Variants in MINDY2 observed in about 807,000 individuals in gnomAD.
MINDY2 encodes MINDY lysine 48 deubiquitinase 2, also known as ubiquitin carboxyl-terminal hydrolase MINDY-2.
Under a neutral mutation model 68.2 loss-of-function variants are expected in MINDY2, and 52 were observed. That is an observed-to-expected ratio of 0.76 (90% confidence interval 0.61 to 0.96). MINDY2 has a LOEUF of 0.96. MINDY2 is among the 40% of genes least tolerant of loss of function. The pLI, the probability that MINDY2 is intolerant of heterozygous loss-of-function variation, is 0.00. For synonymous variants in MINDY2, 372 were observed against 303.0 expected, an observed-to-expected ratio of 1.23 and a Z score of -2.36; for missense variants, 881 against 773.4, an observed-to-expected ratio of 1.14 and a Z score of -1.65.
intron 3 of MINDY2, among the ~76,000 whole-genome samples, chr15:58,805,719 C>T (rs576354119): frequency 1.3e-5 from 2 of 152,096 alleles, no homozygotes; most frequent in Non-Finnish European, 2.9e-5. Context: ...AAAATACTTA[C>T]CCAAGAGTTT....
rs143498226 is a variant in MINDY2, at chr15:58,843,947, A to G, written c.1369-3350A>G. On this transcript the variant is annotated intron_variant, in intron 6 of 8. Transcript: ENST00000559228. ...TTTTATAAATTTACAAATTGTGACAATATTGACATTTATATAATTTGAACT... is the reference window on the plus strand; with the variant it reads ...TTTTATAAATTTACAAATTGTGACAGTATTGACATTTATATAATTTGAACT... Among the ~76,000 whole-genome samples, 75 of 152,210 alleles carry G rather than the reference A, an allele frequency of 4.9e-4. No individual in the cohort carries two copies. In the East Asian group the frequency reaches 7.5e-3, roughly 15 times the overall value.
At chr15:58,811,982 A>C (rs139471307) in intron 4 of MINDY2, among the ~76,000 whole-genome samples, 1 of 152,252 alleles carries the variant, frequency 6.6e-6, no homozygotes, top group Non-Finnish European at 1.5e-5. Context: ...TCAAAATAAT[A>C]TTAGTTAATT....
intron 1 of MINDY2, among the ~76,000 whole-genome samples, chr15:58,776,740 G>C (rs1174749135): frequency 6.6e-6 from 1 of 152,088 alleles, no homozygotes; most frequent in Non-Finnish European, 1.5e-5. Flanking sequence ...TAGAGAGGTA[G>C]GCCGTGTGTG....
At chr15:58,835,645 C>A (rs62002456) in intron 6 of MINDY2, among the ~76,000 whole-genome samples, 1 of 152,002 alleles carries the variant, frequency 6.6e-6, no homozygotes, top group Non-Finnish European at 1.5e-5. Flanking sequence ...AAGAGCGAAA[C>A]TCTGTCTCAG....
chr15:58,848,527 AG>A (rs1306947311), intron 7 of MINDY2, among the ~76,000 whole-genome samples: 1 of 151,894 alleles, frequency 6.6e-6, no homozygotes, highest in Non-Finnish European at 1.5e-5. Flanking sequence ...GTAGATCACA[AG>A]GTCAGGAGAT....
chr15:58,837,125 G>A (rs1360100647), intron 6 of MINDY2, among the ~76,000 whole-genome samples: 2 of 152,122 alleles, frequency 1.3e-5, no homozygotes, highest in East Asian at 1.9e-4. Flanking sequence ...CTTAATAAGG[G>A]AATAAGGCAG....
chr15:58,783,517 T>A (rs1901292215), intron 1 of MINDY2, among the ~76,000 whole-genome samples: 1 of 152,236 alleles, frequency 6.6e-6, no homozygotes, highest in Non-Finnish European at 1.5e-5. Context: ...CATATCACTC[T>A]TAGGATGTTT....
At chr15:58,837,396 G>T (rs2032044415) in intron 6 of MINDY2, among the ~76,000 whole-genome samples, 1 of 151,936 alleles carries the variant, frequency 6.6e-6, no homozygotes, top group Non-Finnish European at 1.5e-5. Flanking sequence ...AACATAGGAA[G>T]ACCCCATCTC....
chr15:58,852,114 C>G, intron 8 of MINDY2, 149 bp downstream of exon 8: 1 of 513,286 alleles, frequency 1.9e-6, no homozygotes, highest in South Asian at 2.9e-5. Flanking sequence ...TGGCAAAACC[C>G]TATCTCTATT....
At chr15:58,854,225 C>T (rs1369876474) in intron 8 of MINDY2, among the ~76,000 whole-genome samples, 4 of 148,336 alleles carry the variant, frequency 2.7e-5, no homozygotes, top group African/African-American at 7.5e-5. Context: ...GCCTGGGCGA[C>T]GGTGCAAGAC....
intron 2 of MINDY2, among the ~76,000 whole-genome samples, chr15:58,798,047 TTACAC>T (rs1902398637): frequency 6.6e-6 from 1 of 152,188 alleles, no homozygotes. Flanking sequence ...TACATCCCTC[TTACAC>T]CTCTACAATC....
intron 5 of MINDY2, among the ~76,000 whole-genome samples, chr15:58,823,898 G>C (rs1186515815): frequency 1.3e-5 from 2 of 152,182 alleles, no homozygotes; most frequent in Non-Finnish European, 2.9e-5. Context: ...TCCTATACAA[G>C]CTCTCATTAC....
chr15:58,804,638 T>C (rs949329097), intron 3 of MINDY2, among the ~76,000 whole-genome samples: 66 of 151,888 alleles, frequency 4.3e-4, no homozygotes, highest in African/African-American at 1.6e-3. Context: ...AAACCCTGTC[T>C]CTACAAAAAA....
At chr15:58,792,723 A>G (rs1194857311) in intron 2 of MINDY2, among the ~76,000 whole-genome samples, 1 of 152,264 alleles carries the variant, frequency 6.6e-6, no homozygotes, top group East Asian at 1.9e-4. Context: ...ACAGTGGAAT[A>G]TTATTCAGCC....
chr15:58,817,005 T>C (rs960773842), intron 4 of MINDY2, among the ~76,000 whole-genome samples: 10 of 152,180 alleles, frequency 6.6e-5, no homozygotes, highest in Non-Finnish European at 1.2e-4. Flanking sequence ...CTATAAAAAA[T>C]AAAACTACAA....
intron 1 of MINDY2, among the ~76,000 whole-genome samples, chr15:58,784,572 G>A (rs1354615457): frequency 1.3e-5 from 2 of 151,104 alleles, no homozygotes; most frequent in Non-Finnish European, 2.9e-5. Context: ...TACTAAAATA[G>A]GTCATAGTTG....
chr15:58,800,723 A>G (rs1462501876), intron 2 of MINDY2, among the ~76,000 whole-genome samples: 1 of 143,952 alleles, frequency 6.9e-6, no homozygotes, highest in African/African-American at 2.6e-5. Flanking sequence ...AGTCCCAGCT[A>G]CTCAGGAAGC....
chr15:58,810,167 A>G, intron 3 of MINDY2, 63 bp from the exon 4 acceptor site: 1 of 1,390,156 alleles, frequency 7.2e-7, no homozygotes, highest in Non-Finnish European at 9.8e-7. Flanking sequence ...CTTGTACTTG[A>G]ATATCTTTTT....
At chr15:58,853,701 T>A (rs2032940851) in intron 8 of MINDY2, among the ~76,000 whole-genome samples, 1 of 151,062 alleles carries the variant, frequency 6.6e-6, no homozygotes, top group Non-Finnish European at 1.5e-5. Flanking sequence ...GCACCTGTAG[T>A]CCCAGCTACT....
Sources: allele counts gnomAD v4.1 joint callset (sites outside exome capture counted in the v4.1 genomes callset), GRCh38; gene constraint gnomAD v4.1.1; transcripts MANE v1.5; gene names NCBI Gene and HGNC (gene_info 2026-07-23, HGNC 2026-07-21).